The following ELAPOR2 variants were observed in gnomAD, a reference collection of about 807,000 sequenced individuals.
ELAPOR2 encodes endosome/lysosome-associated apoptosis and autophagy regulator family member 2.
A neutral mutation model predicts 120.7 loss-of-function variants in ELAPOR2; 89 were observed. The ratio of observed to expected loss-of-function variants is 0.74; its 90% CI spans 0.62 to 0.88. The LOEUF (loss-of-function observed/expected upper bound fraction) is 0.88, where lower values mean the gene tolerates loss of function less well. ELAPOR2 is among the 40% of genes least tolerant of loss of function. ELAPOR2 has a pLI of 0.00. For synonymous variants in ELAPOR2, 444 were observed against 444.9 expected (o/e 1.00, Z 0.03); for missense variants, 1,134 against 1,251.6 (o/e 0.91, Z 1.42).
Position 86,998,058 on chromosome 7 carries a change from G to GA in ELAPOR2, c.190-33035dup, listed in dbSNP as rs540325462. 1.1e-4 allele frequency among the ~76,000 whole-genome samples: 16 copies of GA among 152,166 alleles called. No individual in the cohort carries two copies. The East Asian group carries it at 2.9e-3, about 28-fold the overall frequency. ...TAAATTATCACTAACGGGAAGTCTA[G>GA]AAAATGCATGTACATATTTATCAAA... On this transcript the variant is annotated intron_variant, in intron 1 of 21. Transcript: ENST00000450689.
At chr7:86,994,439 C>T (rs1324182589) in intron 1 of ELAPOR2, among the ~76,000 whole-genome samples, 1 of 152,156 alleles carries the variant, frequency 6.6e-6, no homozygotes, top group Non-Finnish European at 1.5e-5. Flanking sequence ...ATGCTTAAAT[C>T]ATGTGGCAAA....
intron 1 of ELAPOR2, among the ~76,000 whole-genome samples, chr7:86,989,071 A>C (rs957258138): frequency 6.6e-6 from 1 of 152,270 alleles, no homozygotes; most frequent in Admixed American, 6.5e-5. Context: ...ATCCTTCATA[A>C]ATAATAAAAT....
At chr7:86,945,129 G>A (rs528101929) in intron 3 of ELAPOR2, 83 bp from the exon 4 acceptor site, 10 of 1,291,832 alleles carry the variant, frequency 7.7e-6, no homozygotes, top group African/African-American at 6.1e-5. Context: ...TCAGATTCAC[G>A]AGTAGTTCCA....
intron 21 of ELAPOR2, among the ~76,000 whole-genome samples, chr7:86,884,661 G>C (rs963618019): frequency 2.0e-5 from 3 of 152,086 alleles, no homozygotes; most frequent in African/African-American, 4.8e-5. Context: ...CCCTCTTTTA[G>C]ATAAAAATTA....
In ELAPOR2 at chr7:86,938,143, A is replaced by G. The variant is rs1266270300; in HGVS notation, c.1072T>C (p.Cys358Arg). The change falls in exon 8 of 22, where the codon TGT becomes CGT. Residue 358 changes from cysteine (C) to arginine (R), a missense_variant. Transcript: ENST00000450689. ...GCTGGTACCTTTCCTTCTTCATCAC[A>G]TGGAGTATGGATCTGGAAATAGTCT... ...TKDYFQIHTP[C>R]DEEGKTQIMY... The G allele has an allele frequency of 6.4e-7, 1 of 1,550,984 alleles. No homozygotes were observed. Among genetic ancestry groups the G allele is most frequent in the Admixed American group, 2.0e-5 (1 of 51,150 alleles).
intron 1 of ELAPOR2, among the ~76,000 whole-genome samples, chr7:86,974,425 CAAT>C (rs1422575420): frequency 6.6e-6 from 1 of 151,868 alleles, no homozygotes; most frequent in African/African-American, 2.4e-5. Context: ...AACTGTGAAA[CAAT>C]AAGAGACTGG....
chr7:86,987,074 T>G (rs1792769067), intron 1 of ELAPOR2, among the ~76,000 whole-genome samples: 1 of 151,626 alleles, frequency 6.6e-6, no homozygotes, highest in Non-Finnish European at 1.5e-5. Flanking sequence ...TTGACAAACC[T>G]GACAAAAACA....
intron 8 of ELAPOR2, among the ~76,000 whole-genome samples, chr7:86,937,324 A>G (rs1261754498): frequency 1.3e-5 from 2 of 152,160 alleles, no homozygotes; most frequent in Non-Finnish European, 2.9e-5. Flanking sequence ...TGCAAAAACA[A>G]GAGAAGAAAG....
At chr7:86,975,946 G>T (rs59352637) in intron 1 of ELAPOR2, among the ~76,000 whole-genome samples, 4,686 of 152,194 alleles carry the variant, frequency 0.031, 225 homozygotes, top group African/African-American at 0.1. Flanking sequence ...TACAAGAGAA[G>T]CCCATTTTTC....
At chr7:86,942,237 T>C in intron 4 of ELAPOR2, 133 bp from the exon 5 acceptor site, 1 of 533,584 alleles carries the variant, frequency 1.9e-6, no homozygotes, top group Non-Finnish European at 3.4e-6. Context: ...TCTCAATAAG[T>C]AAACATACCG....
Position 87,015,695 on chromosome 7 carries a change from C to T in ELAPOR2, c.189+43630G>A, listed in dbSNP as rs539937092. On this transcript the variant is annotated intron_variant, in intron 1 of 21. Transcript: ENST00000450689. ...CCCAGCTACTCGGGAGGCTGAGGCA[C>T]GAGAATTGCTTGAACCAGCTACTCC... is the stretch of plus-strand genomic sequence containing the variant. Among the ~76,000 whole-genome samples, 169 of 152,078 alleles carry T rather than the reference C, an allele frequency of 1.1e-3. 1 individual carries two copies. Among genetic ancestry groups the T allele is most frequent in the Admixed American group, 6.1e-3 (93 of 15,258 alleles).
intron 2 of ELAPOR2, among the ~76,000 whole-genome samples, chr7:86,957,732 T>G (rs1791533381): frequency 6.6e-6 from 1 of 152,150 alleles, no homozygotes. Context: ...AGGTATGATG[T>G]TAGGTACGAA....
chr7:86,880,502 T>C lies in ELAPOR2; in HGVS notation c.3059A>G (p.Gln1020Arg). ...KEKEDHFESV[Q>R]LKTSRSPNI The stretch of plus-strand genomic sequence containing the variant: ...ATTTGGGGATCTTGAGGTTTTCAGT[T>C]GAACAGATTCAAAATGGTCTTCTTT... Residue 1020 changes from glutamine to arginine, a missense_variant, in exon 22 of 22, where the codon CAA becomes CGA. Coordinates refer to ENST00000450689, the MANE Select transcript of ELAPOR2 (RefSeq NM_001142749.3). The C allele has an allele frequency of 6.2e-7, 1 of 1,609,504 alleles. No individual in the cohort carries two copies. Among genetic ancestry groups the C allele is most frequent in the Non-Finnish European group, 8.5e-7 (1 of 1,176,224 alleles).
chr7:86,980,703 C>T (rs1448637734), intron 1 of ELAPOR2, among the ~76,000 whole-genome samples: 2 of 152,174 alleles, frequency 1.3e-5, no homozygotes, highest in East Asian at 3.9e-4. Context: ...ATCCTTCCTA[C>T]TCTCCAAAAC....
At chr7:86,939,234 A>G (rs1790701109) in intron 6 of ELAPOR2, among the ~76,000 whole-genome samples, 1 of 152,114 alleles carries the variant, frequency 6.6e-6, no homozygotes, top group African/African-American at 2.4e-5. Context: ...TAACTCAAAA[A>G]TGAGATAAAC....
At chr7:87,024,389 C>A (rs1209401685) in intron 1 of ELAPOR2, among the ~76,000 whole-genome samples, 1 of 152,092 alleles carries the variant, frequency 6.6e-6, no homozygotes, top group African/African-American at 2.4e-5. Flanking sequence ...TATATTGAAC[C>A]AGCCTTGCAT....
In ELAPOR2 at chr7:86,897,491, G is replaced by A. The variant is rs368659584; in HGVS notation, c.2685+15C>T. 25 of 1,609,722 alleles carry A rather than the reference G, an allele frequency of 1.6e-5. No homozygotes were observed. In the African/African-American group the frequency reaches 2.9e-4, roughly 19 times the overall value. On this transcript the variant is annotated intron_variant, in intron 19 of 21. Coordinates refer to ENST00000450689, the MANE Select transcript of ELAPOR2 (RefSeq NM_001142749.3). ...CTATAATGCCGAAGCTCTGCCTTGAGAGTTTATCCCTTACCTGAAATCCTC... is the reference window on the plus strand; with the variant it reads ...CTATAATGCCGAAGCTCTGCCTTGAAAGTTTATCCCTTACCTGAAATCCTC...
chr7:87,032,110 GT>G (rs1794440882), intron 1 of ELAPOR2, among the ~76,000 whole-genome samples: 1 of 152,104 alleles, frequency 6.6e-6, no homozygotes, highest in Non-Finnish European at 1.5e-5. Context: ...TATGACAATA[GT>G]TTCATGAGTG....
At position 86,909,979 on chromosome 7, in the gene ELAPOR2, G is replaced by T. The variant is rs758809753; in HGVS notation, c.2192C>A (p.Thr731Asn). 2.1e-5 allele frequency: 33 copies of T among 1,608,176 alleles called. No homozygotes were observed. The highest frequency in any genetic ancestry group is 2.7e-5 in the Non-Finnish European group (32 of 1,177,692). The change falls in exon 16 of 22, where the codon ACC (threonine) becomes AAC (asparagine). Residue 731 changes from threonine to asparagine, a missense_variant. By Grantham distance (65) the Thr-to-Asn change is moderately conservative. This residue lies in a region of ELAPOR2 where 831 missense variants were observed against 867.6 expected (regional missense o/e 0.96). Coordinates refer to ENST00000450689, the MANE Select transcript of ELAPOR2 (RefSeq NM_001142749.3). ...GHEGKKMALCTNNITDFTVKE... is the reference protein window; with the variant it reads ...GHEGKKMALCNNNITDFTVKE... ...TACTGTAAAGTCTGTTATATTGTTG[G>T]TACAGAGAGCCATCTTCTTCCCCTA...
Sources: gnomAD v4.1 joint callset for allele counts (sites outside exome capture counted in the v4.1 genomes callset) on GRCh38, gnomAD v4.1.1 for gene constraint, gnomAD v4.1.1 regional missense constraint, MANE v1.5 for transcripts, NCBI Gene and HGNC (gene_info 2026-07-23, HGNC 2026-07-21) for gene names.